Variants in EDIL3 observed in about 807,000 individuals in gnomAD.
The protein encoded by EDIL3 is EGF-like repeat and discoidin I-like domain-containing protein 3.
In EDIL3, 37 loss-of-function variants were observed where a neutral mutation model predicts 67.4. The observed-to-expected ratio is 0.55, with a 90% confidence interval of 0.42 to 0.72. The LOEUF (loss-of-function observed/expected upper bound fraction) is 0.72. EDIL3 is among the 30% of genes least tolerant of loss of function. The probability of loss-of-function intolerance (pLI) is 0.00; values close to 1 mark genes in which losing one functional copy is unlikely to be tolerated. For missense variants in EDIL3, 527 were observed against 586.3 expected, an observed-to-expected ratio of 0.90 and a Z score of 1.04; for synonymous variants, 195 against 196.3, an observed-to-expected ratio of 0.99 and a Z score of 0.05.
chr5:84,319,239 G>A lies in EDIL3; in HGVS notation c.68-65027C>T, dbSNP rs1268942592. On this transcript the variant is annotated intron_variant, in intron 1 of 10. Transcript: ENST00000296591. Reference sequence around the variant, plus strand: ...TGTAATCCCAGCACTTTGGGAGGCCGAGGCGGGCGGATCACGAGGTCAGGA... The same window carrying A: ...TGTAATCCCAGCACTTTGGGAGGCCAAGGCGGGCGGATCACGAGGTCAGGA... Among the ~76,000 whole-genome samples, 3 of 117,854 alleles carry A rather than the reference G, an allele frequency of 2.5e-5. 1 individual carries two copies. Among genetic ancestry groups the A allele is most frequent in the African/African-American group, 9.0e-5 (3 of 33,330 alleles). The allele number at this position is 117,854 out of a possible 152,430, so 77.3% of individuals were successfully genotyped here.
intron 5 of EDIL3, among the ~76,000 whole-genome samples, chr5:84,124,009 C>T (rs998479525): frequency 1.3e-5 from 2 of 151,924 alleles, no homozygotes; most frequent in Non-Finnish European, 2.9e-5. Context: ...CCCAATTTTA[C>T]ACCAATCAAA....
intron 9 of EDIL3, among the ~76,000 whole-genome samples, chr5:83,971,760 C>G (rs1241824928): frequency 1.3e-5 from 2 of 151,954 alleles, no homozygotes; most frequent in African/African-American, 4.8e-5. Flanking sequence ...CCTCTTTGTC[C>G]CTTACCATCT....
intron 1 of EDIL3, among the ~76,000 whole-genome samples, chr5:84,280,847 G>A (rs1035127238): frequency 6.7e-6 from 1 of 150,288 alleles, no homozygotes; most frequent in African/African-American, 2.5e-5. Flanking sequence ...AGGAGGATGA[G>A]GGCTTAGGTA....
intron 4 of EDIL3, among the ~76,000 whole-genome samples, chr5:84,141,938 T>G (rs1483416347): frequency 1.1e-4 from 15 of 135,692 alleles, no homozygotes; most frequent in African/African-American, 3.5e-4. Context: ...TATATATATA[T>G]ATATATATAC....
At chr5:84,153,316 A>G (rs1210380496) in intron 4 of EDIL3, among the ~76,000 whole-genome samples, 2 of 151,986 alleles carry the variant, frequency 1.3e-5, no homozygotes, top group Non-Finnish European at 2.9e-5. Flanking sequence ...TATTTTTTTG[A>G]GATGGAGTCT....
At chr5:83,950,306 T>C (rs1358127936) in intron 10 of EDIL3, among the ~76,000 whole-genome samples, 1 of 151,856 alleles carries the variant, frequency 6.6e-6, no homozygotes. Flanking sequence ...GAACTGTGAA[T>C]GTGCAATTGA....
chr5:84,333,261 T>C (rs1746912637), intron 1 of EDIL3, among the ~76,000 whole-genome samples: 1 of 152,090 alleles, frequency 6.6e-6, no homozygotes, highest in African/African-American at 2.4e-5. Flanking sequence ...TAAAACAGTA[T>C]TTGCATAAGA....
At chr5:84,049,709 A>G (rs1746292425) in intron 9 of EDIL3, among the ~76,000 whole-genome samples, 1 of 152,204 alleles carries the variant, frequency 6.6e-6, no homozygotes, top group African/African-American at 2.4e-5. Context: ...ACACATTGGT[A>G]AGCTTTATTG....
chr5:84,222,390 A>G (rs1464520366), intron 3 of EDIL3, among the ~76,000 whole-genome samples: 2 of 151,882 alleles, frequency 1.3e-5, no homozygotes, highest in Non-Finnish European at 3.0e-5. Context: ...TTAAAATATT[A>G]AAAGATTTAA....
At chr5:84,123,244 G>A (rs930058802) in intron 5 of EDIL3, among the ~76,000 whole-genome samples, 1 of 151,888 alleles carries the variant, frequency 6.6e-6, no homozygotes, top group African/African-American at 2.4e-5. Flanking sequence ...GTCTGATTTA[G>A]CATTAAAAGG....
intron 6 of EDIL3, among the ~76,000 whole-genome samples, chr5:84,092,810 A>G (rs1399585832): frequency 6.6e-6 from 1 of 151,450 alleles, no homozygotes; most frequent in African/African-American, 2.5e-5. Flanking sequence ...AAAAACAAAA[A>G]CAAACAAACA....
chr5:84,132,706 G>A (rs1258137236), intron 5 of EDIL3, among the ~76,000 whole-genome samples: 1 of 146,160 alleles, frequency 6.8e-6, no homozygotes, highest in Non-Finnish European at 1.5e-5. Context: ...CTCAAATAAT[G>A]AGATAAGAAA....
chr5:84,163,694 A>T (rs564489516), intron 4 of EDIL3, among the ~76,000 whole-genome samples: 1 of 152,248 alleles, frequency 6.6e-6, no homozygotes, highest in African/African-American at 2.4e-5. Context: ...TAACATGGAC[A>T]TTGTGACATC....
At chr5:83,966,446 T>C (rs1166815505) in intron 9 of EDIL3, among the ~76,000 whole-genome samples, 1 of 152,004 alleles carries the variant, frequency 6.6e-6, no homozygotes, top group Non-Finnish European at 1.5e-5. Flanking sequence ...CTATGAGGAT[T>C]TTTCCTTGAC....
chr5:84,025,154 G>C (rs527306410), intron 9 of EDIL3, among the ~76,000 whole-genome samples: 2 of 152,190 alleles, frequency 1.3e-5, no homozygotes, highest in South Asian at 4.1e-4. Flanking sequence ...CCTCGGCTAA[G>C]CAACTCAATC....
At chr5:84,192,464 C>G (rs1022000110) in intron 3 of EDIL3, among the ~76,000 whole-genome samples, 1 of 151,946 alleles carries the variant, frequency 6.6e-6, no homozygotes, top group Non-Finnish European at 1.5e-5. Flanking sequence ...GACTCTGCAG[C>G]CTTAAATGCC....
chr5:84,320,765 T>C (rs1746621128), intron 1 of EDIL3, among the ~76,000 whole-genome samples: 1 of 152,110 alleles, frequency 6.6e-6, no homozygotes, highest in African/African-American at 2.4e-5. Context: ...TTATACTAAA[T>C]ATAGGACTAA....
intron 1 of EDIL3, among the ~76,000 whole-genome samples, chr5:84,308,714 T>C (rs1300202056): frequency 2.0e-5 from 3 of 152,206 alleles, no homozygotes; most frequent in African/African-American, 2.4e-5. Flanking sequence ...CTGAACAAGA[T>C]GAGTCATAAT....
chr5:84,176,672 T>A (rs1472363336), intron 4 of EDIL3, among the ~76,000 whole-genome samples: 1 of 151,988 alleles, frequency 6.6e-6, no homozygotes, highest in Non-Finnish European at 1.5e-5. Context: ...AAAATGCTTT[T>A]CAAAAGTTTG....
Sources: gnomAD v4.1 joint callset for allele counts (sites outside exome capture counted in the v4.1 genomes callset) on GRCh38, gnomAD v4.1.1 for gene constraint, MANE v1.5 for transcripts, NCBI Gene and HGNC (gene_info 2026-07-23, HGNC 2026-07-21) for gene names.